The following ARL8A variants were observed in gnomAD, a reference collection of about 807,000 sequenced individuals.
The protein encoded by ARL8A is ADP-ribosylation factor-like protein 8A.
Under a neutral mutation model 31.2 loss-of-function variants are expected in ARL8A, and 10 were observed. The ratio of observed to expected loss-of-function variants is 0.32; its 90% CI spans 0.20 to 0.54. The LOEUF (loss-of-function observed/expected upper bound fraction) is 0.54. Among genes scored for constraint, ARL8A ranks in the 20% least tolerant of loss-of-function variants. The probability of loss-of-function intolerance (pLI) is 0.93; values close to 1 mark genes in which losing one functional copy is unlikely to be tolerated. For synonymous variants in ARL8A, 70 were observed against 86.9 expected (o/e 0.81, Z 1.08); for missense variants, 129 against 242.8 (o/e 0.53, Z 3.12).
chr1:202,142,124 T>A (rs1279085680), intron 1 of ARL8A, among the ~76,000 whole-genome samples: 1 of 152,216 alleles, frequency 6.6e-6, no homozygotes, highest in Non-Finnish European at 1.5e-5. Flanking sequence ...CACTTTGGCC[T>A]CCCAATTGCT....
Position 202,135,260 on chromosome 1 carries a change from G to A in ARL8A, c.441-40C>T, listed in dbSNP as rs1654972431. 4 of 1,587,100 alleles carry A rather than the reference G, an allele frequency of 2.5e-6. No homozygotes were observed. The highest frequency in any genetic ancestry group is 1.7e-5 in the Admixed American group (1 of 59,960). ...AGTAGAGTCCGCTGAGGCTACGAAC[G>A]TCCAGGGGGCCTGGGGCTAGGGGAC... On this transcript the variant is annotated intron_variant, in intron 5 of 6. Transcript: ENST00000272217. This position sits in a 1 kb window ranked among gnomAD's most constrained non-coding sequence, Gnocchi z 5.3.
intron 3 of ARL8A, 60 bp downstream of exon 3, chr1:202,137,905 G>A: frequency 2.5e-6 from 4 of 1,587,960 alleles, no homozygotes; most frequent in African/African-American, 1.3e-5. Context: ...GTCCTCGAAG[G>A]TAGCAGGGCT....
intron 3 of ARL8A, among the ~76,000 whole-genome samples, chr1:202,137,021 A>T (rs1052629245): frequency 6.6e-6 from 1 of 151,306 alleles, no homozygotes; most frequent in Non-Finnish European, 1.5e-5. Flanking sequence ...CGCCCAGCTA[A>T]TTTTTTTTGT....
rs1453333823 is a variant in ARL8A, at chr1:202,138,873, C to A, written c.124-425G>T. ...CAGATGAATTTTCAAACTAAAAAATCAAACTTTTTAGGGCAGAGTATATTG... is the reference window on the plus strand; with the variant it reads ...CAGATGAATTTTCAAACTAAAAAATAAAACTTTTTAGGGCAGAGTATATTG... On this transcript the variant is annotated intron_variant, in intron 1 of 6. Transcript: ENST00000272217. The surrounding 1 kb of genome is among the most constrained non-coding windows in gnomAD (Gnocchi z 4.4). Among the ~76,000 whole-genome samples the A allele has an allele frequency of 6.6e-6, 1 of 152,176 alleles. No homozygotes were observed. The highest frequency in any genetic ancestry group is 2.4e-5 in the African/African-American group (1 of 41,452).
At position 202,144,006 on chromosome 1, in the gene ARL8A, C is replaced by T. The variant is rs2147815086; in HGVS notation, c.123+444G>A. 6.6e-6 allele frequency among the ~76,000 whole-genome samples: 1 copy of T among 152,364 alleles called. No homozygotes were observed. The highest frequency in any genetic ancestry group is 2.1e-4 in the South Asian group (1 of 4,832). ...CTGGGTGGGGCTGGGCTTGCCCAAA[C>T]CCCCTCCTCAAGCCTCTCGGCCGCC... is the stretch of plus-strand genomic sequence containing the variant. On this transcript the variant is annotated intron_variant, in intron 1 of 6. Transcript: ENST00000272217. The surrounding 1 kb of genome is among the most constrained non-coding windows in gnomAD (Gnocchi z 5.2).
In ARL8A at chr1:202,135,400, T is replaced by C. The variant is rs1350689290; in HGVS notation, c.440+59A>G. 3 of 1,579,662 alleles carry C rather than the reference T, an allele frequency of 1.9e-6. No homozygotes were observed. The highest frequency in any genetic ancestry group is 2.6e-6 in the Non-Finnish European group (3 of 1,148,844). On this transcript the variant is annotated intron_variant, in intron 5 of 6. Transcript: ENST00000272217. The surrounding 1 kb of genome is among the most constrained non-coding windows in gnomAD (Gnocchi z 5.3). ...TAAGAACAGCAGCAAGCCTAGGCTG[T>C]TGGTCTGGTGGTTGGGGAATTGGGA...
chr1:202,138,620 T>C lies in ARL8A; in HGVS notation c.124-172A>G, dbSNP rs138949621. Among the ~76,000 whole-genome samples the C allele has an allele frequency of 2.1e-4, 32 of 152,268 alleles. No individual in the cohort carries two copies. In the East Asian group the frequency reaches 5.8e-3, roughly 28 times the overall value. ...GGCAGGATGGGCTATCACCAACCTA[T>C]GTGTCCCGCCTACACCTGGGGATGC... On this transcript the variant is annotated intron_variant, in intron 1 of 6. Coordinates refer to ENST00000272217, the MANE Select transcript of ARL8A (RefSeq NM_138795.4). This position sits in a 1 kb window ranked among gnomAD's most constrained non-coding sequence, Gnocchi z 4.4.
In ARL8A at chr1:202,142,815, C is replaced by T. The variant is rs565853789; in HGVS notation, c.123+1635G>A. Among the ~76,000 whole-genome samples, 3 of 152,220 alleles carry T rather than the reference C, an allele frequency of 2.0e-5. No homozygotes were observed. In the South Asian group the frequency reaches 6.2e-4, roughly 32 times the overall value. On this transcript the variant is annotated intron_variant, in intron 1 of 6. Coordinates refer to ENST00000272217, the MANE Select transcript of ARL8A (RefSeq NM_138795.4). The stretch of plus-strand genomic sequence containing the variant: ...ACTGCAGACCCAGAAACCGAACCCA[C>T]CCGGGTACCTGTGGATCCCTGTCCC...
chr1:202,140,318 T>G (rs1655133683), intron 1 of ARL8A, among the ~76,000 whole-genome samples: 1 of 150,464 alleles, frequency 6.6e-6, no homozygotes, highest in South Asian at 2.1e-4. Context: ...TTTTTTTGTA[T>G]TTTTAGTAGA....
chr1:202,137,310 AC>A (rs1418370547), intron 3 of ARL8A, among the ~76,000 whole-genome samples: 2 of 152,128 alleles, frequency 1.3e-5, no homozygotes, highest in Non-Finnish European at 2.9e-5. Context: ...GGTGTGTGGC[AC>A]CATGCTCAGC....
At position 202,134,206 on chromosome 1, in the gene ARL8A, T is replaced by C; in HGVS notation, c.*261A>G. ...GGCGGGGGCTGTGGCCCAGGGCTGC[T>C]GGGAGGGAGGCAGGGCTGGGTGATG... On this transcript the variant is annotated 3_prime_UTR_variant, in exon 7 of 7. Coordinates refer to ENST00000272217, the MANE Select transcript of ARL8A (RefSeq NM_138795.4). This position sits in a 1 kb window ranked among gnomAD's most constrained non-coding sequence, Gnocchi z 4.2. The C allele has an allele frequency of 1.9e-6, 1 of 513,086 alleles. No homozygotes were observed. The highest frequency in any genetic ancestry group is 2.1e-5 in the South Asian group (1 of 47,000). 31.8% of individuals were successfully genotyped at this position (513,086 alleles called of 1,614,324 possible). A position where few individuals can be genotyped will look rare whatever the true frequency, so the allele number is the denominator to read the frequency against.
chr1:202,135,038 A>G lies in ARL8A; in HGVS notation c.511+112T>C. The G allele has an allele frequency of 9.0e-7, 1 of 1,115,946 alleles. No homozygotes were observed. The highest frequency in any genetic ancestry group is 1.3e-6 in the Non-Finnish European group (1 of 754,248). 69.1% of individuals were successfully genotyped at this position (1,115,946 alleles called of 1,614,324 possible). On this transcript the variant is annotated intron_variant, in intron 6 of 6. Coordinates refer to ENST00000272217, the MANE Select transcript of ARL8A (RefSeq NM_138795.4). This position sits in a 1 kb window ranked among gnomAD's most constrained non-coding sequence, Gnocchi z 5.3. ...GGCCACCTGGCTGCCTTTTCTACCCAAGAGCCACAGGGCTTTGGACTTCAG... is the reference window on the plus strand; with the variant it reads ...GGCCACCTGGCTGCCTTTTCTACCCGAGAGCCACAGGGCTTTGGACTTCAG...
chr1:202,142,816 C>G (rs1304094620), intron 1 of ARL8A, among the ~76,000 whole-genome samples: 1 of 152,112 alleles, frequency 6.6e-6, no homozygotes, highest in African/African-American at 2.4e-5. Flanking sequence ...CCGAACCCAC[C>G]CGGGTACCTG....
Position 202,135,134 on chromosome 1 carries a change from C to A in ARL8A, c.511+16G>T. ...AATGCCTCTCCCCTCTCCTCCCTTT[C>A]CCCCATCCTACGCACCAATGTTGTC... On this transcript the variant is annotated intron_variant, in intron 6 of 6. Transcript: ENST00000272217. This position sits in a 1 kb window ranked among gnomAD's most constrained non-coding sequence, Gnocchi z 5.3. 6.2e-7 allele frequency: 1 copy of A among 1,610,360 alleles called. No individual in the cohort carries two copies.
intron 1 of ARL8A, among the ~76,000 whole-genome samples, chr1:202,141,502 C>G (rs1005109747): frequency 6.6e-5 from 10 of 151,910 alleles, no homozygotes; most frequent in African/African-American, 2.4e-4. Context: ...ATTAGCCAGG[C>G]ATGGTGGTGT....
intron 1 of ARL8A, among the ~76,000 whole-genome samples, chr1:202,142,651 T>G (rs4950771): frequency 0.96 from 145,844 of 152,254 alleles, 69,909 homozygotes; most frequent in East Asian, 1. Flanking sequence ...GGAGATGGGG[T>G]GCTTTTCCTG....
At chr1:202,141,511 G>C (rs1319389653) in intron 1 of ARL8A, among the ~76,000 whole-genome samples, 5 of 151,932 alleles carry the variant, frequency 3.3e-5, no homozygotes, top group African/African-American at 9.7e-5. Flanking sequence ...GCATGGTGGT[G>C]TATGCCTGTA....
chr1:202,142,619 TA>T (rs934485417), intron 1 of ARL8A, among the ~76,000 whole-genome samples: 15 of 152,144 alleles, frequency 9.9e-5, no homozygotes, highest in African/African-American at 3.6e-4. Flanking sequence ...AATTTAAGAT[TA>T]AAAAGGGGAC....
chr1:202,143,676 G>A (rs1655223499), intron 1 of ARL8A, among the ~76,000 whole-genome samples: 2 of 152,194 alleles, frequency 1.3e-5, no homozygotes, highest in African/African-American at 4.8e-5. Flanking sequence ...CCACTTCAGT[G>A]TTGACGACCC....
Sources: gnomAD v4.1 joint callset for allele counts (sites outside exome capture counted in the v4.1 genomes callset) on GRCh38, gnomAD v4.1.1 for gene constraint, Gnocchi (gnomAD v3.1) non-coding constraint, MANE v1.5 for transcripts, NCBI Gene and HGNC (gene_info 2026-07-23, HGNC 2026-07-21) for gene names.